ATP8A2: variants seen among roughly 807,000 people sequenced by gnomAD.
ATP8A2 encodes the protein phospholipid-transporting ATPase IB.
In ATP8A2, 100 loss-of-function variants were observed where a neutral mutation model predicts 165.6. That is an observed-to-expected ratio of 0.60 (90% CI 0.51 to 0.71). ATP8A2 has a LOEUF of 0.71. ATP8A2 is among the 30% of genes least tolerant of loss of function. The pLI is 0.00. For missense variants in ATP8A2, 1,227 were observed against 1,479.5 expected (o/e 0.83, Z 2.80); for synonymous variants, 543 against 548.8 (o/e 0.99, Z 0.15).
chr13:25,837,951 C>A (rs2138652119), intron 29 of ATP8A2, among the ~76,000 whole-genome samples: 1 of 152,278 alleles, frequency 6.6e-6, no homozygotes, highest in Admixed American at 6.5e-5. Flanking sequence ...ACACAGATGT[C>A]ATTTGCGGCT....
intron 24 of ATP8A2, among the ~76,000 whole-genome samples, chr13:25,646,417 G>A (rs1254731084): frequency 2.0e-5 from 3 of 152,020 alleles, no homozygotes; most frequent in Non-Finnish European, 2.9e-5. Context: ...TTGGAAGGCC[G>A]AGGCAGGTGG....
At chr13:25,693,766 T>A (rs1166357435) in intron 24 of ATP8A2, among the ~76,000 whole-genome samples, 1 of 152,198 alleles carries the variant, frequency 6.6e-6, no homozygotes, top group African/African-American at 2.4e-5. Flanking sequence ...CTTGGCTCAC[T>A]GCAACCTCTG....
chr13:25,818,358 G>C (rs1333181048), intron 27 of ATP8A2, among the ~76,000 whole-genome samples: 1 of 152,144 alleles, frequency 6.6e-6, no homozygotes, highest in African/African-American at 2.4e-5. Context: ...TAAAGTATCA[G>C]TAATATAATA....
intron 1 of ATP8A2, among the ~76,000 whole-genome samples, chr13:25,428,734 T>C (rs1227349298): frequency 6.6e-6 from 1 of 152,170 alleles, no homozygotes; most frequent in Admixed American, 6.5e-5. Flanking sequence ...ATGTTGCTCA[T>C]AGAATGGCTC....
intron 29 of ATP8A2, among the ~76,000 whole-genome samples, chr13:25,837,660 C>A (rs965757656): frequency 2.0e-5 from 3 of 152,126 alleles, no homozygotes; most frequent in Non-Finnish European, 2.9e-5. Flanking sequence ...CGTGGTCCTG[C>A]AGCCCCATGT....
chr13:25,482,824 C>T (rs542288081), intron 2 of ATP8A2, among the ~76,000 whole-genome samples: 4 of 152,326 alleles, frequency 2.6e-5, no homozygotes, highest in South Asian at 2.1e-4. Flanking sequence ...CCATGTAAGA[C>T]GGGACTTGCT....
intron 27 of ATP8A2, among the ~76,000 whole-genome samples, chr13:25,779,895 A>C (rs1043467384): frequency 6.6e-6 from 1 of 152,196 alleles, no homozygotes; most frequent in Non-Finnish European, 1.5e-5. Flanking sequence ...GGTATCTCCT[A>C]AGGAGAGGGA....
intron 24 of ATP8A2, among the ~76,000 whole-genome samples, chr13:25,672,092 T>G (rs1398598375): frequency 1.3e-5 from 2 of 152,230 alleles, no homozygotes; most frequent in Non-Finnish European, 2.9e-5. Context: ...CGTACTATTT[T>G]GCTCAGTGGG....
chr13:25,395,628 T>G (rs534440721), intron 1 of ATP8A2, among the ~76,000 whole-genome samples: 1 of 152,040 alleles, frequency 6.6e-6, no homozygotes, highest in Non-Finnish European at 1.5e-5. Context: ...CTTGAACTCC[T>G]GGGCTCAAAC....
At chr13:25,507,942 C>G (rs1566197673) in intron 2 of ATP8A2, among the ~76,000 whole-genome samples, 1 of 152,078 alleles carries the variant, frequency 6.6e-6, no homozygotes, top group Non-Finnish European at 1.5e-5. Flanking sequence ...GATCAACAAA[C>G]CAGTGGGAAA....
At chr13:25,451,645 T>G (rs2035227383) in intron 1 of ATP8A2, among the ~76,000 whole-genome samples, 1 of 152,094 alleles carries the variant, frequency 6.6e-6, no homozygotes, top group Non-Finnish European at 1.5e-5. Flanking sequence ...TAAGTTAGCT[T>G]AGACTTCGTA....
At chr13:25,477,047 G>C (rs1158337486) in intron 2 of ATP8A2, among the ~76,000 whole-genome samples, 1 of 152,154 alleles carries the variant, frequency 6.6e-6, no homozygotes, top group Admixed American at 6.5e-5. Flanking sequence ...TTTAGAAACA[G>C]AAAAGCCTGT....
chr13:25,526,649 G>T (rs2037850849), intron 2 of ATP8A2, among the ~76,000 whole-genome samples: 1 of 152,212 alleles, frequency 6.6e-6, no homozygotes, highest in Non-Finnish European at 1.5e-5. Context: ...TTAGGGGTTT[G>T]TGCTCAGGGG....
intron 30 of ATP8A2, among the ~76,000 whole-genome samples, chr13:25,846,409 G>A (rs1951865274): frequency 6.6e-6 from 1 of 152,200 alleles, no homozygotes; most frequent in African/African-American, 2.4e-5. Context: ...CCTGGAGGAT[G>A]TGGCAGCAGA....
intron 8 of ATP8A2, 57 bp from the exon 9 acceptor site, chr13:25,541,862 G>C (rs1371247800): frequency 1.3e-6 from 2 of 1,592,160 alleles, no homozygotes; most frequent in Non-Finnish European, 1.7e-6. Context: ...GATGCTGAAT[G>C]GTGTCCCTAA....
intron 2 of ATP8A2, among the ~76,000 whole-genome samples, chr13:25,508,778 C>T (rs979992040): frequency 2.0e-5 from 3 of 152,326 alleles, no homozygotes; most frequent in Non-Finnish European, 2.9e-5. Flanking sequence ...ATGGTATTTA[C>T]GCTTCAGAAT....
At chr13:25,905,907 T>C (rs1349361995) in intron 33 of ATP8A2, among the ~76,000 whole-genome samples, 1 of 152,214 alleles carries the variant, frequency 6.6e-6, no homozygotes, top group African/African-American at 2.4e-5. Flanking sequence ...TTCCACACAC[T>C]GTGTTTTCCT....
At chr13:25,479,970 C>T (rs1327369867) in intron 2 of ATP8A2, among the ~76,000 whole-genome samples, 8 of 152,214 alleles carry the variant, frequency 5.3e-5, no homozygotes, top group Admixed American at 3.3e-4. Context: ...ACAAAACCAC[C>T]ATTGTCATCA....
intron 27 of ATP8A2, among the ~76,000 whole-genome samples, chr13:25,810,786 G>C (rs1950849870): frequency 6.6e-6 from 1 of 152,118 alleles, no homozygotes; most frequent in Non-Finnish European, 1.5e-5. Context: ...GAGGGAGCTG[G>C]ATGTACACGC....
Sources: gnomAD v4.1 joint callset for allele counts (sites outside exome capture counted in the v4.1 genomes callset) on GRCh38, gnomAD v4.1.1 for gene constraint, MANE v1.5 for transcripts, NCBI Gene and HGNC (gene_info 2026-07-23, HGNC 2026-07-21) for gene names.